The following CSMD1 variants were observed in gnomAD, a reference collection of about 807,000 sequenced individuals.
CSMD1 encodes CUB and sushi domain-containing protein 1.
Under a neutral mutation model 417.5 loss-of-function variants are expected in CSMD1, and 213 were observed. The ratio of observed to expected loss-of-function variants is 0.51; its 90% CI spans 0.46 to 0.57. The LOEUF (loss-of-function observed/expected upper bound fraction) is 0.57, where lower values mean the gene tolerates loss of function less well. CSMD1 is among the 20% of genes least tolerant of loss of function. The probability of loss-of-function intolerance (pLI) is 0.00; values close to 1 mark genes in which losing one functional copy is unlikely to be tolerated. For missense variants in CSMD1, 6,923 were observed against 4,529.7 expected, an observed-to-expected ratio of 1.53 and a Z score of -15.17; for synonymous variants, 2,862 against 1,736.8, an observed-to-expected ratio of 1.65 and a Z score of -16.11.
intron 3 of CSMD1, among the ~76,000 whole-genome samples, chr8:4,408,103 A>G (rs1227877370): frequency 2.0e-5 from 3 of 152,154 alleles, no homozygotes; most frequent in Non-Finnish European, 2.9e-5. Context: ...CAAAAAGTTT[A>G]TGCCTGAATG....
intron 5 of CSMD1, among the ~76,000 whole-genome samples, chr8:3,908,780 G>A (rs17067905): frequency 0.062 from 9,452 of 152,206 alleles, 359 homozygotes; most frequent in South Asian, 0.13. Context: ...AGGCATTAGG[G>A]GCAATTCTGG....
chr8:4,076,406 G>A (rs1167647414), intron 3 of CSMD1, among the ~76,000 whole-genome samples: 1 of 152,110 alleles, frequency 6.6e-6, no homozygotes, highest in Non-Finnish European at 1.5e-5. Context: ...GCGTAAGAAT[G>A]GACTAATACA....
At chr8:3,090,693 A>G (rs142747402) in intron 48 of CSMD1, among the ~76,000 whole-genome samples, 27 of 152,174 alleles carry the variant, frequency 1.8e-4, no homozygotes, top group Admixed American at 1.2e-3. Context: ...CCCATACACA[A>G]TGAGCATCTT....
chr8:4,334,337 T>A (rs1401717451), intron 3 of CSMD1, among the ~76,000 whole-genome samples: 2 of 152,112 alleles, frequency 1.3e-5, no homozygotes, highest in African/African-American at 4.8e-5. Flanking sequence ...GTGAATGACA[T>A]TTACACTTAA....
rs62637559 is a variant in CSMD1, at chr8:3,795,750, C to T, written c.819-41708G>A. The stretch of plus-strand genomic sequence containing the variant: ...TATCTATCATGTACAGCTATAGATA[C>T]CTATCATGTACAGCTATAGATACCT... On this transcript the variant is annotated intron_variant, in intron 5 of 69. Coordinates refer to ENST00000635120, the MANE Select transcript of CSMD1 (RefSeq NM_033225.6). 5.0e-4 allele frequency among the ~76,000 whole-genome samples: 15 copies of T among 29,718 alleles called. 6 individuals carry two copies. Among genetic ancestry groups the T allele is most frequent in the South Asian group, 9.1e-4 (1 of 1,102 alleles). The allele number at this position is 29,718 out of a possible 152,430, so 19.5% of individuals were successfully genotyped here.
At chr8:4,173,009 T>C (rs905284952) in intron 3 of CSMD1, among the ~76,000 whole-genome samples, 4 of 152,096 alleles carry the variant, frequency 2.6e-5, no homozygotes, top group Admixed American at 2.0e-4. Flanking sequence ...CTTGAAATAA[T>C]AAATGCTTGG....
At chr8:4,946,738 A>T (rs938329841) in intron 1 of CSMD1, among the ~76,000 whole-genome samples, 1 of 152,222 alleles carries the variant, frequency 6.6e-6, no homozygotes, top group African/African-American at 2.4e-5. Flanking sequence ...TGTACAGTTC[A>T]GCATCAGTAG....
At chr8:4,643,170 T>A (rs976305762) in intron 1 of CSMD1, among the ~76,000 whole-genome samples, 8 of 152,222 alleles carry the variant, frequency 5.3e-5, no homozygotes, top group Admixed American at 3.9e-4. Flanking sequence ...GTGGTTTTTA[T>A]CCCGTTTGCA....
chr8:3,217,549 G>T (rs114221712), intron 29 of CSMD1, among the ~76,000 whole-genome samples: 1 of 151,920 alleles, frequency 6.6e-6, no homozygotes, highest in Non-Finnish European at 1.5e-5. Context: ...GGCGTGGGGG[G>T]CTATCATAGA....
At chr8:4,044,092 G>C (rs1045394002) in intron 3 of CSMD1, among the ~76,000 whole-genome samples, 1 of 152,048 alleles carries the variant, frequency 6.6e-6, no homozygotes, top group Non-Finnish European at 1.5e-5. Context: ...GCTTGTCTCT[G>C]TGATATTATT....
chr8:3,657,462 T>C (rs1476917661), intron 7 of CSMD1, among the ~76,000 whole-genome samples: 5 of 152,178 alleles, frequency 3.3e-5, no homozygotes, highest in South Asian at 2.1e-4. Context: ...CCATCAATGA[T>C]AGACTGGATA....
intron 4 of CSMD1, among the ~76,000 whole-genome samples, chr8:4,030,862 T>A (rs926589730): frequency 2.0e-5 from 3 of 152,180 alleles, no homozygotes; most frequent in Admixed American, 1.3e-4. Context: ...AATTTATTCC[T>A]CCAGATACCC....
intron 5 of CSMD1, among the ~76,000 whole-genome samples, chr8:3,842,395 G>C (rs1027070133): frequency 9.9e-5 from 15 of 152,084 alleles, no homozygotes; most frequent in Non-Finnish European, 1.8e-4. Context: ...AATCCTGACA[G>C]TTGGCTGTGC....
At chr8:4,073,413 G>A (rs1799659564) in intron 3 of CSMD1, among the ~76,000 whole-genome samples, 1 of 151,922 alleles carries the variant, frequency 6.6e-6, no homozygotes, top group African/African-American at 2.4e-5. Flanking sequence ...GAAGCTGAGG[G>A]AAATTTTGGG....
intron 1 of CSMD1, among the ~76,000 whole-genome samples, chr8:4,991,873 G>T (rs1027576869): frequency 1.3e-5 from 2 of 152,164 alleles, no homozygotes; most frequent in East Asian, 1.9e-4. Flanking sequence ...GCGTGGAGGA[G>T]ACACGGTCCC....
intron 1 of CSMD1, among the ~76,000 whole-genome samples, chr8:4,953,327 T>G (rs28731488): frequency 2.1e-3 from 316 of 152,278 alleles, no homozygotes; most frequent in African/African-American, 6.9e-3. Flanking sequence ...TTGAACTTGT[T>G]GTAACTTTTC....
intron 5 of CSMD1, among the ~76,000 whole-genome samples, chr8:3,853,232 T>G (rs1429232840): frequency 6.6e-6 from 1 of 152,166 alleles, no homozygotes; most frequent in African/African-American, 2.4e-5. Flanking sequence ...TGGTTCTTCC[T>G]TTTGGGGATT....
chr8:4,583,379 G>T (rs1322243093), intron 2 of CSMD1, among the ~76,000 whole-genome samples: 1 of 152,088 alleles, frequency 6.6e-6, no homozygotes, highest in Non-Finnish European at 1.5e-5. Flanking sequence ...CTAGCTCAAG[G>T]TTTGTAAACA....
intron 25 of CSMD1, among the ~76,000 whole-genome samples, chr8:3,286,860 G>A (rs1803201470): frequency 6.6e-6 from 1 of 152,082 alleles, no homozygotes; most frequent in Non-Finnish European, 1.5e-5. Context: ...GGCTTTTGTT[G>A]CCATTGCTTT....
Sources: allele counts gnomAD v4.1 joint callset (sites outside exome capture counted in the v4.1 genomes callset), GRCh38; gene constraint gnomAD v4.1.1; transcripts MANE v1.5; gene names NCBI Gene and HGNC (gene_info 2026-07-23, HGNC 2026-07-21).